The following DLC1 variants were observed in gnomAD, a reference collection of about 807,000 sequenced individuals.
The protein encoded by DLC1 is DLC1 Rho GTPase activating protein, also known as rho GTPase-activating protein 7.
Under a neutral mutation model 140.3 loss-of-function variants are expected in DLC1, and 54 were observed. The observed-to-expected ratio is 0.38, with a 90% confidence interval of 0.31 to 0.48. DLC1 has a LOEUF of 0.48. DLC1 is among the 20% of genes least tolerant of loss of function. DLC1 has a pLI of 0.96. For missense variants in DLC1, 2,536 were observed against 1,907.0 expected (o/e 1.33, Z -6.14); for synonymous variants, 986 against 728.1 (o/e 1.35, Z -5.70).
intron 5 of DLC1, among the ~76,000 whole-genome samples, chr8:13,281,473 A>G (rs1181677468): frequency 2.0e-5 from 3 of 152,244 alleles, no homozygotes; most frequent in Non-Finnish European, 4.4e-5. Flanking sequence ...CTATATCTGT[A>G]TCTACGCATA....
intron 5 of DLC1, among the ~76,000 whole-genome samples, chr8:13,143,169 C>T (rs1176898180): frequency 1.3e-5 from 2 of 152,008 alleles, no homozygotes; most frequent in Admixed American, 6.5e-5. Flanking sequence ...AGAACATACA[C>T]ATTTTCAAAG....
intron 5 of DLC1, among the ~76,000 whole-genome samples, chr8:13,173,186 G>A (rs983181179): frequency 1.3e-5 from 2 of 152,068 alleles, no homozygotes; most frequent in African/African-American, 4.8e-5. Context: ...CCCATGAGAG[G>A]TTTGGCTTCT....
chr8:13,317,164 T>C (rs1756132944), intron 4 of DLC1, among the ~76,000 whole-genome samples: 1 of 152,202 alleles, frequency 6.6e-6, no homozygotes, highest in Non-Finnish European at 1.5e-5. Flanking sequence ...ATATTTTCAA[T>C]GTAGACTAAT....
At chr8:13,407,315 A>G (rs900088) in intron 2 of DLC1, among the ~76,000 whole-genome samples, 13,014 of 152,200 alleles carry the variant, frequency 0.086, 1,343 homozygotes, top group East Asian at 0.44. Flanking sequence ...TGTGAGGCTT[A>G]AACAACAGGA....
chr8:13,449,883 A>T (rs1798961760), intron 2 of DLC1, among the ~76,000 whole-genome samples: 1 of 152,118 alleles, frequency 6.6e-6, no homozygotes, highest in African/African-American at 2.4e-5. Flanking sequence ...GTGAAGAAAA[A>T]TCAAAATCTG....
At chr8:13,559,411 G>A (rs1244564377) in intron 1 of DLC1, 4 of 152,208 alleles carry the variant, frequency 2.6e-5, no homozygotes, top group African/African-American at 9.6e-5. Flanking sequence ...GATAAAATGA[G>A]TTTAGCCTGT....
At chr8:13,327,393 A>T (rs1266691350) in intron 4 of DLC1, among the ~76,000 whole-genome samples, 6 of 151,522 alleles carry the variant, frequency 4.0e-5, no homozygotes. Context: ...AAATAATGCA[A>T]TTACATTTTG....
At chr8:13,451,037 CAAAAAAAAAAAAA>C (rs1169620786) in intron 2 of DLC1, among the ~76,000 whole-genome samples, 6 of 18,380 alleles carry the variant, frequency 3.3e-4, no homozygotes, top group Non-Finnish European at 5.5e-4. Context: ...GACTCCGTCT[CAAAAAAAAAAAAA>C]AAAAAAAAAA....
At position 13,499,904 on chromosome 8, in the gene DLC1, C is replaced by T. The variant is rs1801718820; in HGVS notation, c.168G>A (p.Glu56=). 1.9e-6 allele frequency: 3 copies of T among 1,614,008 alleles called. No homozygotes were observed. The highest frequency in any genetic ancestry group is 3.3e-5 in the Admixed American group (2 of 60,006). Residue 56 remains glutamate (E), a synonymous_variant, in exon 2 of 18, where the codon GAG becomes GAA. Coordinates refer to ENST00000276297, the MANE Select transcript of DLC1 (RefSeq NM_182643.3). ...AGCAGTCAGGTAGTGAAACACACTTCTCTTTGCGGTCCACATTTAGAGTTG... is the reference window on the plus strand; with the variant it reads ...AGCAGTCAGGTAGTGAAACACACTTTTCTTTGCGGTCCACATTTAGAGTTG... ...KDATLNVDRK[E]KCVSLPDCCH... is the part of the protein sequence containing the mutation.
chr8:13,106,772 CTATT>C (rs1223046338), intron 7 of DLC1, among the ~76,000 whole-genome samples: 4 of 152,226 alleles, frequency 2.6e-5, no homozygotes, highest in African/African-American at 9.6e-5. Context: ...GTGTGGAAAT[CTATT>C]TTTCATTATA....
chr8:13,495,978 A>G (rs1448785744), intron 2 of DLC1, among the ~76,000 whole-genome samples: 1 of 152,230 alleles, frequency 6.6e-6, no homozygotes, highest in Non-Finnish European at 1.5e-5. Flanking sequence ...TAATGAGCTG[A>G]TTACAATTCC....
intron 4 of DLC1, among the ~76,000 whole-genome samples, chr8:13,358,828 T>C (rs1331622525): frequency 6.6e-6 from 1 of 152,186 alleles, no homozygotes; most frequent in Non-Finnish European, 1.5e-5. Context: ...AGTGACAAAG[T>C]TATTAAAAAT....
chr8:13,427,128 G>A (rs1435313763), intron 2 of DLC1, among the ~76,000 whole-genome samples: 1 of 152,062 alleles, frequency 6.6e-6, no homozygotes, highest in African/African-American at 2.4e-5. Context: ...TCATACAAAT[G>A]TATGTGGGGC....
chr8:13,373,196 G>T (rs1027875475), intron 4 of DLC1, among the ~76,000 whole-genome samples: 1 of 152,000 alleles, frequency 6.6e-6, no homozygotes, highest in African/African-American at 2.4e-5. Flanking sequence ...TTTAAGATGG[G>T]TGCAAACGGG....
chr8:13,119,821 C>G (rs1820883872), intron 5 of DLC1, among the ~76,000 whole-genome samples: 1 of 151,818 alleles, frequency 6.6e-6, no homozygotes, highest in Non-Finnish European at 1.5e-5. Flanking sequence ...GAGCTTTCTG[C>G]CTGTATTCGC....
chr8:13,233,807 A>C (rs1417006372), intron 5 of DLC1, among the ~76,000 whole-genome samples: 1 of 152,204 alleles, frequency 6.6e-6, no homozygotes, highest in Non-Finnish European at 1.5e-5. Context: ...TGGGTATTAA[A>C]TAAATACAAC....
intron 1 of DLC1, among the ~76,000 whole-genome samples, chr8:13,546,699 C>T (rs1656367840): frequency 6.6e-6 from 1 of 152,104 alleles, no homozygotes; most frequent in Non-Finnish European, 1.5e-5. Flanking sequence ...TGAAAACCAG[C>T]GTTAGAGGAC....
chr8:13,456,847 T>C (rs1799413519), intron 2 of DLC1, among the ~76,000 whole-genome samples: 1 of 152,202 alleles, frequency 6.6e-6, no homozygotes, highest in Non-Finnish European at 1.5e-5. Context: ...TAGCTGTGAT[T>C]ATAGTACTCT....
intron 1 of DLC1, among the ~76,000 whole-genome samples, chr8:13,588,444 C>G (rs1211757276): frequency 6.6e-6 from 1 of 151,902 alleles, no homozygotes. Context: ...GAGCAGAGAC[C>G]CGATAAAAAC....
Sources: gnomAD v4.1 joint callset for allele counts (sites outside exome capture counted in the v4.1 genomes callset) on GRCh38, gnomAD v4.1.1 for gene constraint, MANE v1.5 for transcripts, NCBI Gene and HGNC (gene_info 2026-07-23, HGNC 2026-07-21) for gene names.